Variants in MTG2 observed in about 807,000 individuals in gnomAD.
MTG2 encodes the protein mitochondrial ribosome-associated GTPase 2.
Under a neutral mutation model 28.6 loss-of-function variants are expected in MTG2, and 23 were observed. The observed-to-expected ratio is 0.80, with a 90% CI of 0.58 to 1.14. The LOEUF is 1.14. Ranked by LOEUF, MTG2 falls within the 50% of genes most tolerant of loss-of-function variation. The pLI, the probability that MTG2 is intolerant of heterozygous loss-of-function variation, is 0.00. For synonymous variants in MTG2, 260 were observed against 251.8 expected, an observed-to-expected ratio of 1.03 and a Z score of -0.31; for missense variants, 539 against 552.0, an observed-to-expected ratio of 0.98 and a Z score of 0.24.
At chr20:62,196,163 TTTTG>T (rs1271809963) in intron 3 of MTG2, among the ~76,000 whole-genome samples, 2 of 110,014 alleles carry the variant, frequency 1.8e-5, no homozygotes, top group African/African-American at 6.2e-5. Context: ...TTGTTTGTTT[TTTTG>T]TTTTTTTTTT....
intron 1 of MTG2, among the ~76,000 whole-genome samples, chr20:62,190,308 G>A (rs35665554): frequency 0.11 from 16,542 of 152,186 alleles, 1,033 homozygotes; most frequent in Non-Finnish European, 0.15. Context: ...ACTTCTGTGC[G>A]CGTTGGAAGC....
intron 1 of MTG2, among the ~76,000 whole-genome samples, chr20:62,186,532 T>C (rs868114977): frequency 1.1e-5 from 1 of 94,196 alleles, no homozygotes; most frequent in Non-Finnish European, 2.5e-5. Flanking sequence ...TTTTTTGTTT[T>C]TTTTTTTTTT....
At chr20:62,192,058 G>A (rs568287381) in intron 1 of MTG2, among the ~76,000 whole-genome samples, 185 of 152,190 alleles carry the variant, frequency 1.2e-3, no homozygotes, top group African/African-American at 3.8e-3. Flanking sequence ...CCAACAATTC[G>A]CCAGTCCTCT....
rs1253451387 is a variant in MTG2 at position 62,200,552 on chromosome 20, A to G, written c.827-131A>G. 7 of 1,139,562 alleles carry G rather than the reference A, an allele frequency of 6.1e-6. No individual in the cohort carries two copies. The Admixed American group carries it at 1.3e-4, about 20-fold the overall frequency. The allele number at this position is 1,139,562 out of a possible 1,614,324, so 70.6% of individuals were successfully genotyped here. A position where few individuals can be genotyped will look rare whatever the true frequency, so the allele number is the denominator to read the frequency against. On this transcript the variant is annotated intron_variant, in intron 6 of 6. Transcript: ENST00000370823. ...CAGTTCAAGGCGTTCCTTGAAAGGA[A>G]AGTGTTAGAACTCAGGAAATCCGCC... is the stretch of plus-strand genomic sequence containing the variant.
intron 1 of MTG2, among the ~76,000 whole-genome samples, chr20:62,192,882 C>G (rs1361314179): frequency 6.6e-6 from 1 of 152,126 alleles, no homozygotes; most frequent in Non-Finnish European, 1.5e-5. Context: ...CAGCTCAGCC[C>G]GTCCTCACCC....
chr20:62,198,311 T>C (rs553619168), intron 4 of MTG2: 91 of 525,976 alleles, frequency 1.7e-4, no homozygotes, highest in Non-Finnish European at 2.9e-4. Context: ...CCAGCGGGCC[T>C]GCGTCTCCTT....
intron 3 of MTG2, chr20:62,197,092 C>G (rs1405772972): frequency 1.4e-5 from 2 of 142,542 alleles, no homozygotes; most frequent in Non-Finnish European, 3.1e-5. Context: ...AGTTAAGTAG[C>G]ACACCCAAAA....
At chr20:62,190,543 C>G (rs939652979) in intron 1 of MTG2, among the ~76,000 whole-genome samples, 3 of 152,204 alleles carry the variant, frequency 2.0e-5, no homozygotes, top group African/African-American at 7.2e-5. Context: ...CATCTAGAAT[C>G]TTTATTGCAC....
At chr20:62,192,904 G>T (rs757356853) in intron 1 of MTG2, among the ~76,000 whole-genome samples, 1 of 152,232 alleles carries the variant, frequency 6.6e-6, no homozygotes, top group Non-Finnish European at 1.5e-5. Flanking sequence ...GCCGTGTGAG[G>T]AGGCCGAGGC....
chr20:62,200,118 ACAGT>A (rs1213082266), intron 6 of MTG2: 1 of 152,292 alleles, frequency 6.6e-6, no homozygotes, highest in East Asian at 1.9e-4. Context: ...CCAGCCGAGG[ACAGT>A]ATTTCTTCCC....
chr20:62,200,798 G>C lies in MTG2; in HGVS notation c.942G>C (p.Gln314His). The change falls in exon 7 of 7, where the codon CAG (glutamine) becomes CAC (histidine). Residue 314 changes from glutamine to histidine, a missense_variant. Physicochemically the swap from Gln to His is conservative, Grantham distance 24. Coordinates refer to ENST00000370823, the MANE Select transcript of MTG2 (RefSeq NM_015666.4). ...RFLLFVVDLSQPEPWTQVDDL... is the reference protein window; with the variant it reads ...RFLLFVVDLSHPEPWTQVDDL... ...TCTTGTTCGTGGTGGATCTTTCTCA[G>C]CCTGAGCCGTGGACTCAAGTTGACG... 6.2e-7 allele frequency: 1 copy of C among 1,613,924 alleles called. No homozygotes were observed. Among genetic ancestry groups the C allele is most frequent in the Non-Finnish European group, 8.5e-7 (1 of 1,180,046 alleles).
At position 62,200,994 on chromosome 20, in the gene MTG2, C is replaced by T. The variant is rs1355085520; in HGVS notation, c.1138C>T (p.Gln380Ter). 1.9e-6 allele frequency: 3 copies of T among 1,613,578 alleles called. No individual in the cohort carries two copies. The African/African-American group carries it at 4.0e-5, about 22-fold the overall frequency. Residue 380 changes from glutamine to a stop codon, truncating the protein, a stop_gained, in exon 7 of 7, where the codon CAG becomes TAG. Transcript: ENST00000370823. LOFTEE classifies it low-confidence loss of function (END_TRUNC). ...GGCGTTGACCGGCGAGAACCTGGAG[C>T]AGCTGCTGTTGCACCTGAAGGTGCT... Reference protein sequence around the residue: ...LSALTGENLEQLLLHLKVLYD... With the variant: ...LSALTGENLE
rs766693726 is a variant in MTG2 at position 62,200,756 on chromosome 20, C to G, written c.900C>G (p.Ile300Met). Residue 300 changes from isoleucine to methionine, a missense_variant, in exon 7 of 7, where the codon ATC (isoleucine) becomes ATG (methionine). Transcript: ENST00000370823. ...TGGGGTCCGCCTTCCTCAGGCACAT[C>G]GAGCGCTGCCGCTTTCTCTTGTTCG... ...RGLGSAFLRH[I>M]ERCRFLLFVV... is the part of the protein sequence containing the mutation. 2.2e-5 allele frequency: 36 copies of G among 1,613,660 alleles called. No homozygotes were observed. The highest frequency in any genetic ancestry group is 2.9e-5 in the Non-Finnish European group (34 of 1,180,038).
At chr20:62,197,829 T>G in intron 3 of MTG2, 23 bp from the exon 4 acceptor site, 7 of 1,601,006 alleles carry the variant, frequency 4.4e-6, no homozygotes, top group African/African-American at 1.3e-5. Flanking sequence ...ACAAAGGGAC[T>G]GAGATTCTTG....
chr20:62,197,608 G>A lies in MTG2; in HGVS notation c.353-244G>A, dbSNP rs2058083460. On this transcript the variant is annotated intron_variant, in intron 3 of 6. Transcript: ENST00000370823. ...TGGGAGTGAAGCCTTCACAACAAAAGCATAGAATACAGCTACTGTAAAAAA... is the reference window on the plus strand; with the variant it reads ...TGGGAGTGAAGCCTTCACAACAAAAACATAGAATACAGCTACTGTAAAAAA... 9.1e-6 allele frequency: 4 copies of A among 439,602 alleles called. No homozygotes were observed. In the South Asian group the frequency reaches 9.2e-5, roughly 10 times the overall value. 27.2% of individuals were successfully genotyped at this position (439,602 alleles called of 1,614,324 possible). A position where few individuals can be genotyped will look rare whatever the true frequency, so the allele number is the denominator to read the frequency against.
intron 1 of MTG2, among the ~76,000 whole-genome samples, chr20:62,185,033 C>T (rs934146637): frequency 3.3e-5 from 5 of 151,790 alleles, no homozygotes; most frequent in African/African-American, 9.7e-5. Flanking sequence ...TCACTTGAAC[C>T]CATGAGGCGG....
At chr20:62,185,622 CAG>C (rs1601082386) in intron 1 of MTG2, among the ~76,000 whole-genome samples, 1 of 151,930 alleles carries the variant, frequency 6.6e-6, no homozygotes, top group African/African-American at 2.4e-5. Flanking sequence ...GGGAGTGAGA[CAG>C]AGTGAGACTC....
intron 1 of MTG2, among the ~76,000 whole-genome samples, chr20:62,193,164 G>A (rs2057993674): frequency 1.3e-5 from 2 of 152,166 alleles, no homozygotes; most frequent in Admixed American, 1.3e-4. Context: ...GTCCAGTGTT[G>A]TGGAAGATTT....
In MTG2 at chr20:62,193,458, C is replaced by A; in HGVS notation, c.38C>A (p.Thr13Asn). Residue 13 changes from threonine to asparagine, a missense_variant, in exon 2 of 7, where the codon ACC becomes AAC. Physicochemically the swap from Thr to Asn is moderately conservative, Grantham distance 65. Transcript: ENST00000370823. ...PARCFSARLR[T>N]VFQGVGHWAL... ...AGGTGTTTCTCAGCAAGATTGAGGA[C>A]CGTGTTTCAGGGCGTGGGGCATTGG... 6.2e-7 allele frequency: 1 copy of A among 1,614,196 alleles called. No individual in the cohort carries two copies. The highest frequency in any genetic ancestry group is 8.5e-7 in the Non-Finnish European group (1 of 1,180,040).
Sources: gnomAD v4.1 joint callset for allele counts (sites outside exome capture counted in the v4.1 genomes callset) on GRCh38, gnomAD v4.1.1 for gene constraint, MANE v1.5 for transcripts, NCBI Gene and HGNC (gene_info 2026-07-23, HGNC 2026-07-21) for gene names.